Variants in LMO7 observed in about 807,000 individuals in gnomAD.
The protein encoded by LMO7 is LIM domain only protein 7.
In LMO7, 120 loss-of-function variants were observed where a neutral mutation model predicts 206.5. That is an observed-to-expected ratio of 0.58 (90% confidence interval 0.50 to 0.68). LMO7 has a LOEUF of 0.68. Among genes scored for constraint, LMO7 ranks in the 30% least tolerant of loss-of-function variants. The pLI is 0.00. For missense variants in LMO7, 1,959 were observed against 1,957.9 expected, an observed-to-expected ratio of 1.00 and a Z score of -0.01; for synonymous variants, 706 against 681.5, an observed-to-expected ratio of 1.04 and a Z score of -0.56.
chr13:75,659,078 G>A (rs916723531), intron 1 of LMO7, among the ~76,000 whole-genome samples: 25 of 152,096 alleles, frequency 1.6e-4, no homozygotes, highest in African/African-American at 5.8e-4. Flanking sequence ...ACCTTGGTCA[G>A]CATCTTTAGC....
chr13:75,764,112 G>A (rs1349724744), intron 4 of LMO7, among the ~76,000 whole-genome samples: 1 of 152,090 alleles, frequency 6.6e-6, no homozygotes, highest in South Asian at 2.1e-4. Flanking sequence ...GGGACTACAT[G>A]TATTCAAGCA....
intron 3 of LMO7, among the ~76,000 whole-genome samples, chr13:75,730,591 A>G (rs2045070816): frequency 2.7e-5 from 4 of 147,778 alleles, no homozygotes; most frequent in Admixed American, 6.7e-5. Context: ...TCCTGGATTC[A>G]TTAATTTTTT....
chr13:75,754,809 G>A (rs2047546017), intron 3 of LMO7, among the ~76,000 whole-genome samples: 1 of 152,160 alleles, frequency 6.6e-6, no homozygotes, highest in Non-Finnish European at 1.5e-5. Context: ...AAGGTGAGGT[G>A]TTAACAAAGT....
intron 1 of LMO7, chr13:75,688,741 T>C (rs2041217016): frequency 1.3e-5 from 2 of 152,246 alleles, no homozygotes; most frequent in South Asian, 4.1e-4. Flanking sequence ...ATTCTTCATA[T>C]TCCGTCTCTC....
chr13:75,743,283 G>A (rs1487446025), intron 3 of LMO7, among the ~76,000 whole-genome samples: 1 of 152,146 alleles, frequency 6.6e-6, no homozygotes, highest in African/African-American at 2.4e-5. Flanking sequence ...AGTTCAACCA[G>A]TGTGGGAAGC....
At position 75,840,453 on chromosome 13, in the gene LMO7, G is replaced by A. The variant is rs771593679; in HGVS notation, c.3540G>A (p.Lys1180=). The A allele has an allele frequency of 1.2e-5, 19 of 1,613,930 alleles. No individual in the cohort carries two copies. In the East Asian group the frequency reaches 4.2e-4, roughly 36 times the overall value. Residue 1180 remains lysine (K), a synonymous_variant, in exon 22 of 31, where the codon AAG becomes AAA. Transcript: ENST00000377534. The part of the protein sequence containing the change: ...RWVWDQEEER[K]RQERWQKEQD... ...TGTGGGATCAAGAGGAGGAGCGGAA[G>A]CGGCAGGAGAGGTGGCAGAAGGAGC...
At chr13:75,810,767 C>T (rs2141143660) in intron 11 of LMO7, among the ~76,000 whole-genome samples, 1 of 152,310 alleles carries the variant, frequency 6.6e-6, no homozygotes, top group African/African-American at 2.4e-5. Context: ...GTGGAAATGT[C>T]AACATGTACA....
At chr13:75,735,525 G>T (rs1010699988) in intron 3 of LMO7, among the ~76,000 whole-genome samples, 4 of 152,150 alleles carry the variant, frequency 2.6e-5, no homozygotes, top group Non-Finnish European at 4.4e-5. Flanking sequence ...GCAGTGGGGT[G>T]ATCTTGGCTC....
chr13:75,650,065 C>T (rs972597432), intron 1 of LMO7, among the ~76,000 whole-genome samples: 3 of 152,074 alleles, frequency 2.0e-5, no homozygotes, highest in African/African-American at 7.2e-5. Flanking sequence ...TCAAGTAGTC[C>T]TCCCACTTTG....
At position 75,858,759 on chromosome 13, in the gene LMO7, G is replaced by A. The variant is rs559418732; in HGVS notation, c.*816G>A. 6.0e-4 allele frequency: 92 copies of A among 152,584 alleles called. No individual in the cohort carries two copies. The highest frequency in any genetic ancestry group is 2.0e-3 in the African/African-American group (85 of 41,542). 9.5% of individuals were successfully genotyped at this position (152,584 alleles called of 1,614,324 possible). On this transcript the variant is annotated 3_prime_UTR_variant, in exon 31 of 31. Coordinates refer to ENST00000377534, the MANE Select transcript of LMO7 (RefSeq NM_001306080.2). ...ATTTCAGTATGTGGCCTTTTTTGAT[G>A]TTATGTTTTATCCAGTAGCTTTACT...
chr13:75,849,103 T>C lies in LMO7; in HGVS notation c.4175T>C (p.Ile1392Thr), dbSNP rs1239129622. ...GGAAACAATAAATATTTAGACCAAATTGGGAACATGACCTCTTCACAGAGG... is the reference window on the plus strand; with the variant it reads ...GGAAACAATAAATATTTAGACCAAACTGGGAACATGACCTCTTCACAGAGG... ...KNGNNKYLDQ[I>T]GNMTSSQRRS... The change falls in exon 27 of 31, where the codon ATT (isoleucine) becomes ACT (threonine). Residue 1392 changes from isoleucine to threonine, a missense_variant. By Grantham distance (89) the Ile-to-Thr change is moderately conservative. Coordinates refer to ENST00000377534, the MANE Select transcript of LMO7 (RefSeq NM_001306080.2). 3.7e-6 allele frequency: 6 copies of C among 1,608,688 alleles called. No individual in the cohort carries two copies. In the South Asian group the frequency reaches 4.4e-5, roughly 12 times the overall value.
intron 3 of LMO7, among the ~76,000 whole-genome samples, chr13:75,739,128 AGAATT>A (rs1225831991): frequency 6.6e-6 from 1 of 152,250 alleles, no homozygotes. Context: ...ACTGAGCTAA[AGAATT>A]AAGAAATTAA....
At position 75,753,039 on chromosome 13, in the gene LMO7, C is replaced by T. The variant is rs114084523; in HGVS notation, c.211-7893C>T. On this transcript the variant is annotated intron_variant, in intron 3 of 30. Coordinates refer to ENST00000377534, the MANE Select transcript of LMO7 (RefSeq NM_001306080.2). ...TTTCCATAGAGACTGCACTAATTTA[C>T]ATTCCCACCAGCAGTGTATAAGCAT... Among the ~76,000 whole-genome samples, 664 of 152,342 alleles carry T rather than the reference C, an allele frequency of 4.4e-3. 6 individuals carry two copies. Among genetic ancestry groups the T allele is most frequent in the African/African-American group, 0.015 (638 of 41,576 alleles).
intron 1 of LMO7, among the ~76,000 whole-genome samples, chr13:75,683,365 G>A (rs1171286913): frequency 6.6e-6 from 1 of 152,072 alleles, no homozygotes; most frequent in Non-Finnish European, 1.5e-5. Flanking sequence ...ATTGCAATTA[G>A]GTCTAAGATA....
intron 17 of LMO7, 126 bp downstream of exon 17, chr13:75,834,513 T>C: frequency 1.5e-6 from 1 of 684,592 alleles, no homozygotes; most frequent in Non-Finnish European, 2.3e-6. Flanking sequence ...AAGGTTTTTG[T>C]AGTTACGTCA....
At chr13:75,761,195 A>T (rs1270207889) in intron 4 of LMO7, among the ~76,000 whole-genome samples, 157 bp downstream of exon 4, 1 of 152,166 alleles carries the variant, frequency 6.6e-6, no homozygotes, top group African/African-American at 2.4e-5. Flanking sequence ...TGTTTTAAAA[A>T]TGGCTTAGGG....
chr13:75,648,094 C>T (rs554954535), intron 1 of LMO7, among the ~76,000 whole-genome samples: 3 of 151,410 alleles, frequency 2.0e-5, no homozygotes, highest in African/African-American at 4.8e-5. Flanking sequence ...GCTATCGGTG[C>T]ACCACCACAC....
intron 16 of LMO7, 46 bp from the exon 17 acceptor site, chr13:75,834,178 CAT>C: frequency 3.5e-6 from 5 of 1,425,870 alleles, no homozygotes; most frequent in Non-Finnish European, 4.8e-6. Flanking sequence ...ACTAATAGAA[CAT>C]GTGGGATTTT....
chr13:75,678,990 C>T (rs539310496), intron 1 of LMO7, among the ~76,000 whole-genome samples: 8 of 152,160 alleles, frequency 5.3e-5, no homozygotes, highest in Admixed American at 2.6e-4. Flanking sequence ...TTGTGCTCAG[C>T]GTCTCCAGTG....
Sources: allele counts gnomAD v4.1 joint callset (sites outside exome capture counted in the v4.1 genomes callset), GRCh38; gene constraint gnomAD v4.1.1; transcripts MANE v1.5; gene names NCBI Gene and HGNC (gene_info 2026-07-23, HGNC 2026-07-21).